The following LYST variants were observed in gnomAD, a reference collection of about 807,000 sequenced individuals.
LYST encodes lysosomal trafficking regulator.
Under a neutral mutation model 413.6 loss-of-function variants are expected in LYST, and 192 were observed. That is an observed-to-expected ratio of 0.46 (90% CI 0.41 to 0.52). The LOEUF (loss-of-function observed/expected upper bound fraction) is 0.52. LYST is among the 20% of genes least tolerant of loss of function. LYST has a pLI of 0.00. For missense variants in LYST, 3,815 were observed against 4,499.9 expected (o/e 0.85, Z 4.35); for synonymous variants, 1,525 against 1,567.3 (o/e 0.97, Z 0.64).
upstream of LYST, chr1:235,866,963 C>G (rs1345812106): frequency 6.5e-6 from 1 of 152,770 alleles, no homozygotes; most frequent in Admixed American, 6.5e-5. Context: ...CCCAGGAAAC[C>G]GAGAACACCA....
rs376607493 is a variant in LYST at position 235,775,157 on chromosome 1, T to C, written c.5461-71A>G. On this transcript the variant is annotated intron_variant, in intron 17 of 52. Coordinates refer to ENST00000389793, the MANE Select transcript of LYST (RefSeq NM_000081.4). Reference sequence around the variant, plus strand: ...GAGTAAAAATTTAACATGTATAATCTTCCATTCTGTAACATCAATCCATTA... The same window carrying C: ...GAGTAAAAATTTAACATGTATAATCCTCCATTCTGTAACATCAATCCATTA... 1.0e-5 allele frequency: 11 copies of C among 1,073,472 alleles called. No homozygotes were observed. The African/African-American group carries it at 1.2e-4, about 12-fold the overall frequency. 66.5% of individuals were successfully genotyped at this position (1,073,472 alleles called of 1,614,324 possible).
chr1:235,663,920 C>T (rs1456165522), intron 52 of LYST, 64 bp downstream of exon 52: 2 of 1,316,792 alleles, frequency 1.5e-6, no homozygotes, highest in African/African-American at 2.9e-5. Flanking sequence ...TGCTTAAATA[C>T]CTCTCTACGA....
chr1:235,830,026 T>C, intron 3 of LYST, 200 bp downstream of exon 3: 1 of 562,450 alleles, frequency 1.8e-6, no homozygotes, highest in Admixed American at 3.1e-5. Flanking sequence ...CAATTCATAA[T>C]TCTAAGATAT....
intron 50 of LYST, among the ~76,000 whole-genome samples, chr1:235,666,648 C>CTACTAAGTTT (rs2103013952): frequency 6.9e-6 from 1 of 145,124 alleles, no homozygotes; most frequent in East Asian, 2.0e-4. Context: ...GCCCAATGTT[C>CTACTAAGTTT]TACTAAGTTT....
At chr1:235,677,432 T>C (rs188432449) in intron 49 of LYST, 48 bp downstream of exon 49, 2 of 1,585,096 alleles carry the variant, frequency 1.3e-6, no homozygotes, top group Non-Finnish European at 1.7e-6. Context: ...ATAGTAAAAA[T>C]GGATATATTA....
intron 28 of LYST, among the ~76,000 whole-genome samples, chr1:235,747,896 T>G (rs2103289494): frequency 6.6e-6 from 1 of 152,286 alleles, no homozygotes; most frequent in South Asian, 2.1e-4. Context: ...CGGTAGATAT[T>G]TATCACTATC....
rs1405142373 is a variant in LYST at position 235,770,313 on chromosome 1, C to T, written c.5785-16G>A. On this transcript the variant is annotated splice_polypyrimidine_tract_variant and intron_variant, in intron 19 of 52. Coordinates refer to ENST00000389793, the MANE Select transcript of LYST (RefSeq NM_000081.4). ...AAACACCTTGCTGAAGAGATAAACACACACCAATAAGCACATACTTACTGA... is the reference window on the plus strand; with the variant it reads ...AAACACCTTGCTGAAGAGATAAACATACACCAATAAGCACATACTTACTGA... The T allele has an allele frequency of 1.1e-5, 17 of 1,613,372 alleles. No homozygotes were observed. In the South Asian group the frequency reaches 1.9e-4, roughly 18 times the overall value.
At chr1:235,696,461 C>T (rs1661112475) in intron 46 of LYST, among the ~76,000 whole-genome samples, 1 of 152,200 alleles carries the variant, frequency 6.6e-6, no homozygotes, top group African/African-American at 2.4e-5. Context: ...CCCATGTCCA[C>T]AGTAAGTAGG....
chr1:235,715,223 A>G lies in LYST; in HGVS notation c.9762T>C (p.Thr3254=), dbSNP rs1662730564. 1.2e-6 allele frequency: 2 copies of G among 1,614,064 alleles called. No individual in the cohort carries two copies. The change falls in exon 42 of 53, where the codon ACT becomes ACC. Residue 3254 remains threonine (T), a synonymous_variant. Transcript: ENST00000389793. ...TACCTTGATAGGCTAAAAACATTTT[A>G]GTGAAAGGAGGCATCCTGACCAGGA... The part of the protein sequence containing the change: ...LHFLVRMPPF[T]KMFLAYQDQS...
In LYST at chr1:235,766,105, G is replaced by A. The variant is rs368119710; in HGVS notation, c.6095C>T (p.Thr2032Met). ...PTNTYVCHNP[T>M]NFYFSLHIDG... ...TATGTGCAAAGAAAAGTAGAAGTTC[G>A]TGGGATTGTGACAAACGTAAGTATT... The change falls in exon 21 of 53, where the codon ACG becomes ATG. Residue 2032 changes from threonine (T) to methionine (M), a missense_variant. Thr to Met is a moderately conservative substitution (Grantham distance 81). Coordinates refer to ENST00000389793, the MANE Select transcript of LYST (RefSeq NM_000081.4). 60 of 1,613,134 alleles carry A rather than the reference G, an allele frequency of 3.7e-5. No homozygotes were observed. Among genetic ancestry groups the A allele is most frequent in the Non-Finnish European group, 4.9e-5 (58 of 1,179,262 alleles).
At position 235,674,039 on chromosome 1, in the gene LYST, A is replaced by C. The variant is rs1330162704; in HGVS notation, c.11038+3052T>G. ...TAGCAGCTCTCTTCCAAGACCCCAC[A>C]GCCCGGGGCAATAAGGCATGCCAGT... On this transcript the variant is annotated intron_variant, in intron 50 of 52. Coordinates refer to ENST00000389793, the MANE Select transcript of LYST (RefSeq NM_000081.4). The surrounding 1 kb of genome is among the most constrained non-coding windows in gnomAD (Gnocchi z 4.1). Among the ~76,000 whole-genome samples the C allele has an allele frequency of 3.3e-5, 5 of 152,138 alleles. No individual in the cohort carries two copies. The highest frequency in any genetic ancestry group is 4.8e-5 in the African/African-American group (2 of 41,434).
intron 2 of LYST, among the ~76,000 whole-genome samples, chr1:235,830,811 C>A (rs568624748): frequency 6.6e-6 from 1 of 151,982 alleles, no homozygotes; most frequent in Admixed American, 6.6e-5. Context: ...AAATATAACC[C>A]ATTTTTCACT....
chr1:235,811,562 A>C (rs1673453828), intron 4 of LYST, among the ~76,000 whole-genome samples: 1 of 152,172 alleles, frequency 6.6e-6, no homozygotes, highest in Non-Finnish European at 1.5e-5. Flanking sequence ...ACACTCAGTA[A>C]ATACTTCACA....
chr1:235,830,021 C>A, intron 3 of LYST: 1 of 552,192 alleles, frequency 1.8e-6, no homozygotes, highest in Non-Finnish European at 3.2e-6. Context: ...TTAGGCAATT[C>A]ATAATTCTAA....
Position 235,808,885 on chromosome 1 carries a change from C to T in LYST, c.1933G>A (p.Asp645Asn), listed in dbSNP as rs112830771. Residue 645 changes from aspartate (D) to asparagine (N), a missense_variant, in exon 5 of 53, where the codon GAC becomes AAC. Transcript: ENST00000389793. ...GTCTCTTCTAATTGGGCTAGTTGGT[C>T]AGAGTCAACAGTACAAATATTACAA... is the stretch of plus-strand genomic sequence containing the variant. ...AACNICTVDS[D>N]QLAQLEETLQ... The T allele has an allele frequency of 4.3e-6, 7 of 1,613,832 alleles. No homozygotes were observed. The African/African-American group carries it at 5.3e-5, about 12-fold the overall frequency.
Position 235,801,051 on chromosome 1 carries a change from A to T in LYST, c.3759T>A (p.Ser1253Arg). Residue 1253 changes from serine (S) to arginine (R), a missense_variant, in exon 9 of 53, where the codon AGT (serine) becomes AGA (arginine). Transcript: ENST00000389793. ...SETEGFSASS[S>R]PNDLLENLTQ... The stretch of plus-strand genomic sequence containing the variant: ...TGAGGTTTTCGAGTAAGTCATTTGG[A>T]CTGCTTGATGCACTGAAACCTTCTG... 1 of 1,613,500 alleles carries T rather than the reference A, an allele frequency of 6.2e-7. No homozygotes were observed. The highest frequency in any genetic ancestry group is 2.2e-5 in the East Asian group (1 of 44,800).
intron 50 of LYST, among the ~76,000 whole-genome samples, chr1:235,673,119 C>T (rs534772420): frequency 8.5e-5 from 13 of 152,202 alleles, no homozygotes; most frequent in Non-Finnish European, 1.6e-4. Context: ...CCATTATACC[C>T]GAGTCAAGAA....
intron 10 of LYST, among the ~76,000 whole-genome samples, chr1:235,798,990 T>A (rs1671894981): frequency 6.6e-6 from 1 of 152,188 alleles, no homozygotes; most frequent in Non-Finnish European, 1.5e-5. Context: ...AATAGGTGAA[T>A]GTTATGGTAT....
chr1:235,662,934 T>C lies in LYST; in HGVS notation c.*6A>G, dbSNP rs774025642. 1 of 1,471,668 alleles carries C rather than the reference T, an allele frequency of 6.8e-7. No individual in the cohort carries two copies. Among genetic ancestry groups the C allele is most frequent in the Non-Finnish European group, 9.5e-7 (1 of 1,049,674 alleles). The allele number at this position is 1,471,668 out of a possible 1,614,324, so 91.2% of individuals were successfully genotyped here. ...GTGCTTTGGAGAACGTGAAGTTCAT[T>C]CGCATTCACCCGGCTGCATAGCTGC... is the stretch of plus-strand genomic sequence containing the variant. On this transcript the variant is annotated 3_prime_UTR_variant, in exon 53 of 53. Transcript: ENST00000389793.
Sources: allele counts gnomAD v4.1 joint callset (sites outside exome capture counted in the v4.1 genomes callset), GRCh38; gene constraint gnomAD v4.1.1; non-coding constraint Gnocchi (gnomAD v3.1); transcripts MANE v1.5; gene names NCBI Gene and HGNC (gene_info 2026-07-23, HGNC 2026-07-21).